PCDH12: variants seen among roughly 807,000 people sequenced by gnomAD.
The protein encoded by PCDH12 is protocadherin 12.
PCDH12 carries 45 observed loss-of-function variants against 70.9 expected under a neutral mutation model. That is an observed-to-expected ratio of 0.63 (90% CI 0.50 to 0.81). PCDH12 has a LOEUF of 0.81. Ranked by LOEUF, PCDH12 falls within the 40% of genes least tolerant of loss-of-function variation. The probability of loss-of-function intolerance (pLI) is 0.00; values close to 1 mark genes in which losing one functional copy is unlikely to be tolerated. For missense variants in PCDH12, 1,370 were observed against 1,491.7 expected (o/e 0.92, Z 1.34); for synonymous variants, 567 against 626.0 (o/e 0.91, Z 1.41).
intron 2 of PCDH12, among the ~76,000 whole-genome samples, chr5:141,950,321 AG>A (rs1753053752): frequency 6.6e-6 from 1 of 152,164 alleles, no homozygotes; most frequent in South Asian, 2.1e-4. Flanking sequence ...TTTAAGGCGT[AG>A]GAGTCCTTCT....
At chr5:141,947,227 T>C (rs1470774421) in intron 3 of PCDH12, among the ~76,000 whole-genome samples, 1 of 152,242 alleles carries the variant, frequency 6.6e-6, no homozygotes, top group Non-Finnish European at 1.5e-5. Context: ...TACTGGATCC[T>C]TGGGTTTAGC....
At chr5:141,953,754 G>A (rs164085) in intron 1 of PCDH12, among the ~76,000 whole-genome samples, 97,622 of 152,148 alleles carry the variant, frequency 0.64, 33,083 homozygotes, top group African/African-American at 0.85. Flanking sequence ...GGCTCTGGCA[G>A]CCTCTGGGTC....
chr5:141,957,640 A>C lies in PCDH12; in HGVS notation c.212T>G (p.Leu71Arg), dbSNP rs771716437. 13 of 1,614,084 alleles carry C rather than the reference A, an allele frequency of 8.1e-6. No individual in the cohort carries two copies. Among genetic ancestry groups the C allele is most frequent in the Non-Finnish European group, 1.1e-5 (13 of 1,180,048 alleles). The change falls in exon 1 of 4, where the codon CTG becomes CGG. Residue 71 changes from leucine to arginine, a missense_variant. Coordinates refer to ENST00000231484, the MANE Select transcript of PCDH12 (RefSeq NM_016580.4). The surrounding 1 kb of genome is among the most constrained non-coding windows in gnomAD (Gnocchi z 4.3). ...QAGAAFQVLQ[L>R]PQALPIQVDS... ...CACCTGAATGGGGAGCGCCTGAGGC[A>C]GCTGCAACACCTGGAAGGCAGCCCC...
chr5:141,948,489 G>C (rs954759388), intron 3 of PCDH12, among the ~76,000 whole-genome samples: 1 of 152,222 alleles, frequency 6.6e-6, no homozygotes, highest in Non-Finnish European at 1.5e-5. Context: ...AGCAGGGGCG[G>C]GGGGCGCTAG....
rs750575148 is a variant in PCDH12 at position 141,955,939 on chromosome 5, A to G, written c.1913T>C (p.Ile638Thr). 1 of 1,614,126 alleles carries G rather than the reference A, an allele frequency of 6.2e-7. No homozygotes were observed. The highest frequency in any genetic ancestry group is 8.5e-7 in the Non-Finnish European group (1 of 1,180,032). ...GAGGTGGGCTTCATTTCCACTGCGG[A>G]TGCTGTAGAGGGGCTCTCCATTTGC... ...SGANGEPLYSIRSGNEAHLFI... is the reference protein window; with the variant it reads ...SGANGEPLYSTRSGNEAHLFI... The change falls in exon 1 of 4, where the codon ATC (isoleucine) becomes ACC (threonine). Residue 638 changes from isoleucine (I) to threonine (T), a missense_variant. Coordinates refer to ENST00000231484, the MANE Select transcript of PCDH12 (RefSeq NM_016580.4). This position sits in a 1 kb window ranked among gnomAD's most constrained non-coding sequence, Gnocchi z 5.5.
chr5:141,947,202 G>C (rs1752957584), intron 3 of PCDH12, among the ~76,000 whole-genome samples: 1 of 152,252 alleles, frequency 6.6e-6, no homozygotes, highest in African/African-American at 2.4e-5. Flanking sequence ...GTGAGACACT[G>C]TTGGGCTCCT....
chr5:141,952,053 A>T (rs1447672053), intron 1 of PCDH12, among the ~76,000 whole-genome samples: 1 of 152,238 alleles, frequency 6.6e-6, no homozygotes, highest in Non-Finnish European at 1.5e-5. Flanking sequence ...TCATTGAATT[A>T]TTCATTTATT....
intron 3 of PCDH12, among the ~76,000 whole-genome samples, chr5:141,948,034 A>G (rs1223767872): frequency 6.6e-6 from 1 of 152,200 alleles, no homozygotes; most frequent in African/African-American, 2.4e-5. Flanking sequence ...GGCAGAACTG[A>G]ATATTTTATT....
chr5:141,957,918 G>A lies in PCDH12; in HGVS notation c.-67C>T, dbSNP rs895206076. On this transcript the variant is annotated 5_prime_UTR_variant, in exon 1 of 4. Transcript: ENST00000231484. This position sits in a 1 kb window ranked among gnomAD's most constrained non-coding sequence, Gnocchi z 4.3. ...CTTTCAAGGCTGGACAAGTCCTCCA[G>A]TGTTTCCTGGATGGCTTGATCAGCC... is the stretch of plus-strand genomic sequence containing the variant. 6.5e-7 allele frequency: 1 copy of A among 1,536,364 alleles called. No homozygotes were observed. The highest frequency in any genetic ancestry group is 8.7e-7 in the Non-Finnish European group (1 of 1,145,148).
intron 2 of PCDH12, among the ~76,000 whole-genome samples, chr5:141,949,824 C>T (rs754217741): frequency 1.3e-5 from 2 of 152,070 alleles, no homozygotes; most frequent in Non-Finnish European, 2.9e-5. Context: ...TAAAATGAGA[C>T]GTTGTAGGTA....
intron 1 of PCDH12, 57 bp from the exon 2 acceptor site, chr5:141,951,647 C>T (rs1053281932): frequency 1.8e-5 from 23 of 1,254,162 alleles, no homozygotes; most frequent in African/African-American, 2.9e-5. Flanking sequence ...CACACTTCCT[C>T]GCCGGATGTT....
chr5:141,954,763 C>T (rs987091025), intron 1 of PCDH12, among the ~76,000 whole-genome samples: 5 of 152,210 alleles, frequency 3.3e-5, no homozygotes, highest in African/African-American at 1.2e-4. Context: ...AACTAAGGCC[C>T]AGAGACAGTA....
Position 141,956,891 on chromosome 5 carries a change from C to G in PCDH12, c.961G>C (p.Asp321His). The part of the protein sequence containing the change: ...DYEKNPAYEV[D>H]VQARDLGPNP... ...GGACCCAGGTCCCTTGCCTGAACAT[C>G]CACCTCGTAGGCAGGGTTCTTTTCA... Residue 321 changes from aspartate (D) to histidine (H), a missense_variant, in exon 1 of 4, where the codon GAT (aspartate) becomes CAT (histidine). Transcript: ENST00000231484. The G allele has an allele frequency of 6.2e-7, 1 of 1,614,190 alleles. No homozygotes were observed. Among genetic ancestry groups the G allele is most frequent in the Non-Finnish European group, 8.5e-7 (1 of 1,180,028 alleles).
rs35153199 is a variant in PCDH12, at chr5:141,951,389, C to T, written c.2978+104G>A. ...TGTCTGCTGCACCCTCCCAGGGGACCGGTGTCTGACTTGTGCTCACCCTTC... is the reference window on the plus strand; with the variant it reads ...TGTCTGCTGCACCCTCCCAGGGGACTGGTGTCTGACTTGTGCTCACCCTTC... On this transcript the variant is annotated intron_variant, in intron 2 of 3. Coordinates refer to ENST00000231484, the MANE Select transcript of PCDH12 (RefSeq NM_016580.4). 64,753 of 830,852 alleles carry T rather than the reference C, an allele frequency of 0.078. 2,958 individuals carry two copies. The highest frequency in any genetic ancestry group is 0.13 in the South Asian group (8,640 of 68,802). 51.5% of individuals were successfully genotyped at this position (830,852 alleles called of 1,614,324 possible).
rs763944434 is a variant in PCDH12 at position 141,957,345 on chromosome 5, C to T, written c.507G>A (p.Leu169=). The change falls in exon 1 of 4, where the codon CTG becomes CTA. Residue 169 remains leucine, a synonymous_variant. Transcript: ENST00000231484. This position sits in a 1 kb window ranked among gnomAD's most constrained non-coding sequence, Gnocchi z 4.3. Reference sequence around the variant, plus strand: ...CACTGGGAGACAGAGTGTAGGTGTGCAGGGTGTTAGGGCCTGTGTCTGGGT... The same window carrying T: ...CACTGGGAGACAGAGTGTAGGTGTGTAGGGTGTTAGGGCCTGTGTCTGGGT... ...ALDPDTGPNT[L]HTYTLSPSEH... 118 of 1,613,408 alleles carry T rather than the reference C, an allele frequency of 7.3e-5. 3 individuals carry two copies. In the South Asian group the frequency reaches 1.3e-3, roughly 17 times the overall value.
At chr5:141,951,457 G>T (rs781512887) in intron 2 of PCDH12, 36 bp downstream of exon 2, 2 of 1,497,898 alleles carry the variant, frequency 1.3e-6, no homozygotes, top group East Asian at 2.3e-5. Flanking sequence ...GCCAGTAGGG[G>T]CCTTGAGATG....
At chr5:141,954,394 T>G (rs9324860) in intron 1 of PCDH12, among the ~76,000 whole-genome samples, 67 of 152,326 alleles carry the variant, frequency 4.4e-4, no homozygotes, top group African/African-American at 1.5e-3. Flanking sequence ...AGAAGTGCTT[T>G]GAGGAAGTAA....
intron 3 of PCDH12, among the ~76,000 whole-genome samples, chr5:141,947,373 T>C (rs1245636049): frequency 6.6e-6 from 1 of 152,270 alleles, no homozygotes; most frequent in African/African-American, 2.4e-5. Flanking sequence ...CTTGGTGTTA[T>C]AGAATCAGGC....
chr5:141,954,748 A>G (rs1026465465), intron 1 of PCDH12, among the ~76,000 whole-genome samples: 3 of 152,234 alleles, frequency 2.0e-5, no homozygotes, highest in Admixed American at 2.0e-4. Flanking sequence ...ATTTACAGAT[A>G]AGACAACTAA....
Sources: allele counts gnomAD v4.1 joint callset (sites outside exome capture counted in the v4.1 genomes callset), GRCh38; gene constraint gnomAD v4.1.1; non-coding constraint Gnocchi (gnomAD v3.1); transcripts MANE v1.5; gene names NCBI Gene and HGNC (gene_info 2026-07-23, HGNC 2026-07-21).